The following C16orf96 variants were observed in gnomAD, a reference collection of about 807,000 sequenced individuals.
C16orf96 encodes chromosome 16 open reading frame 96.
C16orf96 carries 108 observed loss-of-function variants against 103.6 expected under a neutral mutation model. The observed-to-expected ratio is 1.04, with a 90% CI of 0.89 to 1.22. C16orf96 has a LOEUF of 1.22. Among genes scored for constraint, C16orf96 ranks in the 50% most tolerant of loss-of-function variants. The pLI is 0.00. For missense variants in C16orf96, 1,586 were observed against 1,464.2 expected (o/e 1.08, Z -1.36); for synonymous variants, 566 against 593.5 (o/e 0.95, Z 0.67).
intron 8 of C16orf96, among the ~76,000 whole-genome samples, chr16:4,587,529 C>CAAA (rs59504956): frequency 4.2e-5 from 5 of 118,666 alleles, no homozygotes; most frequent in Non-Finnish European, 8.7e-5. Context: ...AACTCTGTCT[C>CAAA]AAAAAAAAAA....
the C16orf96 span, among the ~76,000 whole-genome samples, chr16:4,547,324 A>T: frequency 1.3e-5 from 2 of 152,122 alleles, no homozygotes; most frequent in African/African-American, 4.8e-5. Flanking sequence ...TATGGTAGAG[A>T]TGGGGTTTCA....
intron 2 of C16orf96, among the ~76,000 whole-genome samples, chr16:4,574,086 G>C (rs149036865): frequency 7.0e-4 from 107 of 152,258 alleles, no homozygotes; most frequent in African/African-American, 2.5e-3. Context: ...ACCCGCCTCA[G>C]CATCCCAAAG....
At chr16:4,546,419 G>T in the C16orf96 span, among the ~76,000 whole-genome samples, 1 of 150,282 alleles carries the variant, frequency 6.7e-6, no homozygotes, top group Non-Finnish European at 1.5e-5. Flanking sequence ...CGGCCTCCCA[G>T]AGTGCTGCGA....
intron 9 of C16orf96, among the ~76,000 whole-genome samples, chr16:4,589,241 AC>A (rs750948764): frequency 5.9e-5 from 9 of 152,178 alleles, no homozygotes; most frequent in Non-Finnish European, 1.2e-4. Context: ...TGTGTAACCT[AC>A]AGGATATTAG....
the C16orf96 span, among the ~76,000 whole-genome samples, chr16:4,550,327 C>T: frequency 1.0e-3 from 159 of 152,168 alleles, 1 homozygote; most frequent in Middle Eastern, 6.8e-3. Context: ...TCACGTGATC[C>T]GCCCATCTCA....
Position 4,579,170 on chromosome 16 carries a change from G to A in C16orf96, c.2241+145G>A, listed in dbSNP as rs1567448863. 8.2e-6 allele frequency: 6 copies of A among 729,858 alleles called. No homozygotes were observed. In the South Asian group the frequency reaches 1.1e-4, roughly 13 times the overall value. 45.2% of individuals were successfully genotyped at this position (729,858 alleles called of 1,614,324 possible). A position where few individuals can be genotyped will look rare whatever the true frequency, so the allele number is the denominator to read the frequency against. On this transcript the variant is annotated intron_variant, in intron 6 of 15. Coordinates refer to ENST00000444310, the MANE Select transcript of C16orf96 (RefSeq NM_001145011.2). Reference sequence around the variant, plus strand: ...GGAAAGCGAGCTGGCTGCGAAGGCAGCTGCTGCCTCTCAAAGCTGATTCAC... The same window carrying A: ...GGAAAGCGAGCTGGCTGCGAAGGCAACTGCTGCCTCTCAAAGCTGATTCAC...
intron 1 of C16orf96, chr16:4,559,879 T>C (rs2141691961): frequency 6.6e-6 from 1 of 152,280 alleles, no homozygotes; most frequent in Non-Finnish European, 1.5e-5. Context: ...AGTAGATTAG[T>C]GGTTTCCAGA....
upstream of C16orf96, among the ~76,000 whole-genome samples, chr16:4,552,970 G>C (rs1002626571): frequency 3.3e-5 from 5 of 152,144 alleles, no homozygotes; most frequent in East Asian, 7.7e-4. Flanking sequence ...CATCCATTTA[G>C]CAAACACTTA....
chr16:4,586,168 G>A (rs985739516), intron 7 of C16orf96, among the ~76,000 whole-genome samples: 1 of 152,180 alleles, frequency 6.6e-6, no homozygotes, highest in Non-Finnish European at 1.5e-5. Context: ...GCTGAGGTGG[G>A]AGAATCTCTT....
chr16:4,590,366 C>A (rs1897028781), intron 9 of C16orf96, among the ~76,000 whole-genome samples: 1 of 150,920 alleles, frequency 6.6e-6, no homozygotes, highest in Non-Finnish European at 1.5e-5. Context: ...CGAGACCAGC[C>A]TGACCAACAT....
rs2059265908 is a variant in C16orf96, at chr16:4,556,639, G to A, written c.150G>A (p.Glu50=). The change falls in exon 1 of 16, where the codon GAG becomes GAA. Residue 50 remains glutamate, a synonymous_variant. Transcript: ENST00000444310. ...TCAAGAAAGTCCTCTCAGGCGATGA[G>A]GACTTCCTGCAGACCTCGCAGGTGG... ...AELKKVLSGD[E]DFLQTSQVVI... is the part of the protein sequence containing the mutation. 6.4e-7 allele frequency: 1 copy of A among 1,551,748 alleles called. No individual in the cohort carries two copies. Among genetic ancestry groups the A allele is most frequent in the South Asian group, 1.2e-5 (1 of 84,062 alleles).
chr16:4,556,397 G>T lies in C16orf96; in HGVS notation c.-93G>T. ...ACTCACCACCACCCCAGGCCTCTGA[G>T]GACCAGTCCATGTAGCTCTCGGAAC... On this transcript the variant is annotated 5_prime_UTR_variant, in exon 1 of 16. The change creates a new upstream start codon in the 5' untranslated region. Transcript: ENST00000444310. The T allele has an allele frequency of 7.5e-7, 1 of 1,331,156 alleles. No individual in the cohort carries two copies. 82.5% of individuals were successfully genotyped at this position (1,331,156 alleles called of 1,614,324 possible).
At chr16:4,566,618 G>T (rs1596518137) in intron 1 of C16orf96, among the ~76,000 whole-genome samples, 1 of 152,250 alleles carries the variant, frequency 6.6e-6, no homozygotes, top group East Asian at 1.9e-4. Context: ...CTCCCATTTT[G>T]TGGGTTGTAT....
At chr16:4,542,677 A>G in the C16orf96 span, among the ~76,000 whole-genome samples, 1 of 152,098 alleles carries the variant, frequency 6.6e-6, no homozygotes, top group Non-Finnish European at 1.5e-5. Flanking sequence ...AGGCGCCTGT[A>G]ATCCCAGCTA....
chr16:4,555,345 G>A (rs2059253208), upstream of C16orf96, among the ~76,000 whole-genome samples: 1 of 151,624 alleles, frequency 6.6e-6, no homozygotes, highest in Admixed American at 6.6e-5. Context: ...GCCTTTGGAT[G>A]CGTCCAGAAA....
intron 1 of C16orf96, among the ~76,000 whole-genome samples, chr16:4,567,575 G>A (rs112282975): frequency 9.2e-5 from 14 of 151,440 alleles, no homozygotes; most frequent in African/African-American, 3.1e-4. Context: ...GAGCCACCGC[G>A]CCCGGCCTTC....
chr16:4,554,162 C>T (rs1349849137), upstream of C16orf96, among the ~76,000 whole-genome samples: 2 of 152,088 alleles, frequency 1.3e-5, no homozygotes, highest in Non-Finnish European at 2.9e-5. Flanking sequence ...GCCTCCTGGT[C>T]CTGTGGCAGC....
Position 4,576,332 on chromosome 16 carries a change from G to A in C16orf96, c.1852G>A (p.Gly618Arg). 6.4e-7 allele frequency: 1 copy of A among 1,550,782 alleles called. No homozygotes were observed. The highest frequency in any genetic ancestry group is 8.7e-7 in the Non-Finnish European group (1 of 1,146,980). The change falls in exon 5 of 16, where the codon GGG becomes AGG. Residue 618 changes from glycine to arginine, a missense_variant. Coordinates refer to ENST00000444310, the MANE Select transcript of C16orf96 (RefSeq NM_001145011.2). ...ATDTAAAGPL[G>R]VFADVLGAGP... ...AGACACGGCTGCAGCTGGGCCCCTA[G>A]GGGTCTTTGCAGATGTCCTGGGTGC... is the stretch of plus-strand genomic sequence containing the variant.
At chr16:4,568,344 G>A (rs1161601949) in intron 1 of C16orf96, among the ~76,000 whole-genome samples, 1 of 152,180 alleles carries the variant, frequency 6.6e-6, no homozygotes, top group Non-Finnish European at 1.5e-5. Flanking sequence ...GTGCATTTGA[G>A]AATAATATGT....
Sources: gnomAD v4.1 joint callset for allele counts (sites outside exome capture counted in the v4.1 genomes callset) on GRCh38, gnomAD v4.1.1 for gene constraint, MANE v1.5 for transcripts, NCBI Gene and HGNC (gene_info 2026-07-23, HGNC 2026-07-21) for gene names.